Variants in DGCR8 observed in about 807,000 individuals in gnomAD.
DGCR8 encodes microprocessor complex subunit DGCR8.
A neutral mutation model predicts 78.5 loss-of-function variants in DGCR8; 14 were observed. The ratio of observed to expected loss-of-function variants is 0.18; its 90% CI spans 0.12 to 0.28. DGCR8 has a LOEUF of 0.28. Ranked by LOEUF, DGCR8 falls within the 10% of genes least tolerant of loss-of-function variation. DGCR8 has a pLI of 1.00. For synonymous variants in DGCR8, 399 were observed against 402.4 expected (o/e 0.99, Z 0.10); for missense variants, 702 against 1,022.5 (o/e 0.69, Z 4.28).
chr22:20,081,919 C>T (rs1335391669), intron 1 of DGCR8, among the ~76,000 whole-genome samples: 1 of 152,182 alleles, frequency 6.6e-6, no homozygotes, highest in Non-Finnish European at 1.5e-5. Context: ...GACCATTTCT[C>T]ACCACCTTCA....
At chr22:20,093,935 A>G (rs898511156) in intron 8 of DGCR8, among the ~76,000 whole-genome samples, 3 of 152,182 alleles carry the variant, frequency 2.0e-5, no homozygotes, top group African/African-American at 7.2e-5. Flanking sequence ...TGTGTTTTCC[A>G]GAAGGCCTGC....
intron 9 of DGCR8, among the ~76,000 whole-genome samples, chr22:20,104,978 CCAGG>C (rs1390288714): frequency 6.6e-6 from 1 of 152,230 alleles, no homozygotes; most frequent in Non-Finnish European, 1.5e-5. Context: ...TGCCCATGGG[CCAGG>C]CAGGCTCCAG....
chr22:20,105,873 A>C (rs1175880487), intron 9 of DGCR8, among the ~76,000 whole-genome samples: 1 of 152,236 alleles, frequency 6.6e-6, no homozygotes, highest in Non-Finnish European at 1.5e-5. Context: ...ATGGATCAGA[A>C]TCAGATCCAA....
chr22:20,100,532 C>T, intron 9 of DGCR8: 1 of 981,504 alleles, frequency 1.0e-6, no homozygotes, highest in Non-Finnish European at 1.2e-6. Flanking sequence ...CGCTGCCTTC[C>T]TGTCTGAGTA....
chr22:20,088,273 G>C (rs914769451), intron 3 of DGCR8, among the ~76,000 whole-genome samples: 3 of 152,192 alleles, frequency 2.0e-5, no homozygotes, highest in African/African-American at 7.2e-5. Flanking sequence ...CAGCTTCTGG[G>C]GCTGGGGGCA....
rs371979357 is a variant in DGCR8 at position 20,108,991 on chromosome 22, A to G, written c.2226A>G (p.Leu742=). The part of the protein sequence containing the change: ...LSKLQEEMKR[L]AEEREETRKK... ...AGCTCCAAGAGGAGATGAAGAGGCT[A>G]GCTGAGGAAAGGGTGAGTGCCACCC... is the stretch of plus-strand genomic sequence containing the variant. The change falls in exon 13 of 14, where the codon CTA becomes CTG. Residue 742 remains leucine, a synonymous_variant. Coordinates refer to ENST00000351989, the MANE Select transcript of DGCR8 (RefSeq NM_022720.7). 15 of 1,593,460 alleles carry G rather than the reference A, an allele frequency of 9.4e-6. No individual in the cohort carries two copies. The highest frequency in any genetic ancestry group is 1.3e-5 in the Non-Finnish European group (15 of 1,162,038).
chr22:20,081,010 C>G (rs964112223), intron 1 of DGCR8, among the ~76,000 whole-genome samples: 1 of 152,216 alleles, frequency 6.6e-6, no homozygotes, highest in Non-Finnish European at 1.5e-5. Context: ...CGAGGCCAAC[C>G]ACCAGGCGAG....
At position 20,086,211 on chromosome 22, in the gene DGCR8, G is replaced by C; in HGVS notation, c.248G>C (p.Gly83Ala). Reference sequence around the variant, plus strand: ...CTCTCCAAAGGATCCTTCTCTAAGGGCCGCCTCCTCATAGACCCGAACTGT... The same window carrying C: ...CTCTCCAAAGGATCCTTCTCTAAGGCCCGCCTCCTCATAGACCCGAACTGT... Reference protein sequence around the residue: ...SLLSKGSFSKGRLLIDPNCSG... With the variant: ...SLLSKGSFSKARLLIDPNCSG... The change falls in exon 2 of 14, where the codon GGC becomes GCC. Residue 83 changes from glycine (G) to alanine (A), a missense_variant. Gly to Ala is a moderately conservative substitution (Grantham distance 60, BLOSUM62 0). Transcript: ENST00000351989. This position sits in a 1 kb window ranked among gnomAD's most constrained non-coding sequence, Gnocchi z 6.4. 1 of 1,614,156 alleles carries C rather than the reference G, an allele frequency of 6.2e-7. No homozygotes were observed. Among genetic ancestry groups the C allele is most frequent in the Non-Finnish European group, 8.5e-7 (1 of 1,180,044 alleles).
At chr22:20,100,487 C>T (rs1045721363) in intron 9 of DGCR8, 1 of 985,262 alleles carries the variant, frequency 1.0e-6, no homozygotes, top group African/African-American at 1.7e-5. Flanking sequence ...GTATGGGTTG[C>T]TGCAGACGAT....
intron 9 of DGCR8, among the ~76,000 whole-genome samples, chr22:20,105,605 C>T (rs1034372776): frequency 1.3e-5 from 2 of 152,208 alleles, no homozygotes; most frequent in African/African-American, 2.4e-5. Context: ...CTCTCTTGTC[C>T]TTCCTGTGTG....
intron 13 of DGCR8, 67 bp from the exon 14 acceptor site, chr22:20,109,958 C>T: frequency 4.0e-6 from 6 of 1,502,786 alleles, no homozygotes; most frequent in South Asian, 2.3e-5. Flanking sequence ...CTCCCTCCAC[C>T]TTGTGTCTTC....
At chr22:20,092,071 A>G (rs2147923567) in intron 7 of DGCR8, 101 bp downstream of exon 7, 2 of 909,138 alleles carry the variant, frequency 2.2e-6, no homozygotes, top group South Asian at 1.5e-5. Context: ...ACTCTACTGG[A>G]ACGGGAGGAA....
At chr22:20,081,567 G>T (rs2147910073) in intron 1 of DGCR8, among the ~76,000 whole-genome samples, 1 of 152,346 alleles carries the variant, frequency 6.6e-6, no homozygotes, top group East Asian at 1.9e-4. Flanking sequence ...CCTTGGGGTA[G>T]GAAATGTGCT....
chr22:20,092,646 C>G (rs1018796982), intron 7 of DGCR8, among the ~76,000 whole-genome samples, 163 bp from the exon 8 acceptor site: 2 of 152,132 alleles, frequency 1.3e-5, no homozygotes, highest in Non-Finnish European at 2.9e-5. Flanking sequence ...GTCTGCTGCC[C>G]GTCTCCAGTC....
At position 20,086,924 on chromosome 22, in the gene DGCR8, G is replaced by A; in HGVS notation, c.721-238G>A. The stretch of plus-strand genomic sequence containing the variant: ...CCTGCATCCCTGATCTAGCGCGTGG[G>A]GCAGCAGGTGCTGCTGAGTTACGCT... On this transcript the variant is annotated intron_variant, in intron 2 of 13. Coordinates refer to ENST00000351989, the MANE Select transcript of DGCR8 (RefSeq NM_022720.7). This position sits in a 1 kb window ranked among gnomAD's most constrained non-coding sequence, Gnocchi z 6.4. 1 of 725,022 alleles carries A rather than the reference G, an allele frequency of 1.4e-6. No individual in the cohort carries two copies. Among genetic ancestry groups the A allele is most frequent in the South Asian group, 2.0e-5 (1 of 50,656 alleles). 44.9% of individuals were successfully genotyped at this position (725,022 alleles called of 1,614,324 possible).
rs1044219039 is a variant in DGCR8 at position 20,110,209 on chromosome 22, C to T, written c.*101C>T. ...CACAGTGTCAGGCCTCCAACCCACG[C>T]TCCTTCCCTGTGGCCAACCTGTGGG... On this transcript the variant is annotated 3_prime_UTR_variant, in exon 14 of 14. Coordinates refer to ENST00000351989, the MANE Select transcript of DGCR8 (RefSeq NM_022720.7). 6 of 1,256,680 alleles carry T rather than the reference C, an allele frequency of 4.8e-6. No homozygotes were observed. In the Admixed American group the frequency reaches 1.2e-4, roughly 24 times the overall value. 77.8% of individuals were successfully genotyped at this position (1,256,680 alleles called of 1,614,324 possible). A position where few individuals can be genotyped will look rare whatever the true frequency, so the allele number is the denominator to read the frequency against.
rs778081181 is a variant in DGCR8 at position 20,089,659 on chromosome 22, TC to T, written c.881-8del. 6.2e-7 allele frequency: 1 copy of T among 1,613,668 alleles called. No homozygotes were observed. The highest frequency in any genetic ancestry group is 2.2e-5 in the East Asian group (1 of 44,892). On this transcript the variant is annotated splice_polypyrimidine_tract_variant and intron_variant, in intron 3 of 13. Coordinates refer to ENST00000351989, the MANE Select transcript of DGCR8 (RefSeq NM_022720.7). The surrounding 1 kb of genome is among the most constrained non-coding windows in gnomAD (Gnocchi z 4.9). ...CAGTGATTATAGGATGTTCTTGTCTTCCTGTGCAGGTCGTGGCCGCCCACCT... is the reference window on the plus strand; with the variant it reads ...CAGTGATTATAGGATGTTCTTGTCTTCTGTGCAGGTCGTGGCCGCCCACCT...
intron 7 of DGCR8, 54 bp downstream of exon 7, chr22:20,092,024 G>T (rs2049570493): frequency 6.8e-7 from 1 of 1,460,524 alleles, no homozygotes; most frequent in African/African-American, 1.4e-5. Flanking sequence ...TGTAACTTTG[G>T]TCAGGGCTGG....
At chr22:20,101,926 A>G (rs2049707227) in intron 9 of DGCR8, 2 of 985,280 alleles carry the variant, frequency 2.0e-6, no homozygotes, top group Non-Finnish European at 2.4e-6. Context: ...TGTGGTGGCC[A>G]CGCGTGTATG....
Sources: gnomAD v4.1 joint callset for allele counts (sites outside exome capture counted in the v4.1 genomes callset) on GRCh38, gnomAD v4.1.1 for gene constraint, Gnocchi (gnomAD v3.1) non-coding constraint, MANE v1.5 for transcripts, NCBI Gene and HGNC (gene_info 2026-07-23, HGNC 2026-07-21) for gene names.